Variants in ASTN2 observed in about 807,000 individuals in gnomAD.
The protein encoded by ASTN2 is astrotactin-2.
In ASTN2, 54 loss-of-function variants were observed where a neutral mutation model predicts 139.8. The ratio of observed to expected loss-of-function variants is 0.39; its 90% CI spans 0.31 to 0.48. The LOEUF (loss-of-function observed/expected upper bound fraction) is 0.48. ASTN2 is among the 20% of genes least tolerant of loss of function. ASTN2 has a pLI of 0.95. For missense variants in ASTN2, 1,565 were observed against 1,725.1 expected, an observed-to-expected ratio of 0.91 and a Z score of 1.64; for synonymous variants, 756 against 719.5, an observed-to-expected ratio of 1.05 and a Z score of -0.81.
At chr9:116,687,784 A>T (rs764134507) in intron 16 of ASTN2, among the ~76,000 whole-genome samples, 44 of 151,924 alleles carry the variant, frequency 2.9e-4, no homozygotes, top group Non-Finnish European at 5.0e-4. Context: ...GGGGGCCCCG[A>T]TGAGATTTGA....
intron 20 of ASTN2, among the ~76,000 whole-genome samples, chr9:116,444,973 A>T (rs575435167): frequency 6.6e-6 from 1 of 152,346 alleles, no homozygotes; most frequent in East Asian, 1.9e-4. Flanking sequence ...GGGAAGTGAG[A>T]ACAGCATCAG....
At chr9:117,102,823 A>G (rs1001856810) in intron 4 of ASTN2, among the ~76,000 whole-genome samples, 2 of 152,102 alleles carry the variant, frequency 1.3e-5, no homozygotes, top group Non-Finnish European at 2.9e-5. Flanking sequence ...TGCCTGGCCA[A>G]TTAATGATTA....
chr9:116,790,951 AAAGAAAAGAAAGAAGGAAAGAAAG>A (rs1830516240), intron 13 of ASTN2, among the ~76,000 whole-genome samples: 2 of 143,686 alleles, frequency 1.4e-5, no homozygotes, highest in African/African-American at 5.2e-5. Context: ...AGAAAGAAAG[AAAGAAAAGAAAGAAGGAAAGAAAG>A]AAAGAAAGAA....
rs149866207 is a variant in ASTN2 at position 117,191,675 on chromosome 9, G to T, written c.1015+22683C>A. 9.1e-3 allele frequency among the ~76,000 whole-genome samples: 1,391 copies of T among 152,282 alleles called. 23 individuals are homozygous for T. Among genetic ancestry groups the T allele is most frequent in the African/African-American group, 0.032 (1,337 of 41,548 alleles). ...TGTCAGTCAGTTCCCCACTGGGTGA[G>T]CTCCAGCCATTTCAAGGGAGCCCAG... On this transcript the variant is annotated intron_variant, in intron 3 of 22. Coordinates refer to ENST00000313400, the MANE Select transcript of ASTN2 (RefSeq NM_001365068.1).
intron 6 of ASTN2, among the ~76,000 whole-genome samples, chr9:117,015,655 G>A (rs1837653524): frequency 6.6e-6 from 1 of 152,130 alleles, no homozygotes; most frequent in Admixed American, 6.5e-5. Context: ...CATAAAGTGT[G>A]TGAATCAGAT....
intron 5 of ASTN2, among the ~76,000 whole-genome samples, chr9:117,044,593 C>T (rs1234439527): frequency 6.6e-6 from 1 of 152,162 alleles, no homozygotes; most frequent in Non-Finnish European, 1.5e-5. Context: ...CCATAATACT[C>T]ACACCCTCCC....
chr9:116,875,354 A>G (rs1278488383), intron 10 of ASTN2, among the ~76,000 whole-genome samples: 1 of 152,228 alleles, frequency 6.6e-6, no homozygotes, highest in African/African-American at 2.4e-5. Flanking sequence ...CCAAACTAGG[A>G]CAAGGTCCTA....
At chr9:116,625,816 T>C (rs1260390947) in intron 17 of ASTN2, among the ~76,000 whole-genome samples, 1 of 152,118 alleles carries the variant, frequency 6.6e-6, no homozygotes, top group African/African-American at 2.4e-5. Context: ...TCTTCCTCCT[T>C]ACTGAACTCT....
chr9:116,904,305 C>T (rs1442474895), intron 10 of ASTN2, among the ~76,000 whole-genome samples: 1 of 152,176 alleles, frequency 6.6e-6, no homozygotes, highest in East Asian at 1.9e-4. Flanking sequence ...TCGTGGCAGA[C>T]AGTCTCAAAG....
intron 5 of ASTN2, among the ~76,000 whole-genome samples, chr9:117,095,188 T>A (rs1346993638): frequency 1.3e-5 from 2 of 152,170 alleles, no homozygotes; most frequent in Non-Finnish European, 2.9e-5. Context: ...TGGCATGGAA[T>A]CCATGTTTGT....
At chr9:116,950,888 A>G (rs1453471491) in intron 10 of ASTN2, among the ~76,000 whole-genome samples, 1 of 152,192 alleles carries the variant, frequency 6.6e-6, no homozygotes, top group Admixed American at 6.5e-5. Flanking sequence ...AATTTTATAC[A>G]ACATATGGAG....
intron 10 of ASTN2, among the ~76,000 whole-genome samples, chr9:116,952,070 T>C (rs1027360640): frequency 6.6e-6 from 1 of 152,258 alleles, no homozygotes; most frequent in Non-Finnish European, 1.5e-5. Context: ...ATCACAATAA[T>C]ATGTAAGCTT....
chr9:116,657,685 A>T (rs1349319121), intron 16 of ASTN2, among the ~76,000 whole-genome samples: 1 of 152,168 alleles, frequency 6.6e-6, no homozygotes, highest in East Asian at 1.9e-4. Flanking sequence ...GATGAAAAAC[A>T]CAAAAATTAG....
chr9:116,646,404 C>T (rs1857591646), intron 17 of ASTN2, among the ~76,000 whole-genome samples: 2 of 151,940 alleles, frequency 1.3e-5, no homozygotes, highest in Non-Finnish European at 2.9e-5. Flanking sequence ...ATCCATGTGG[C>T]CTGTAGAGAT....
intron 13 of ASTN2, among the ~76,000 whole-genome samples, chr9:116,786,004 G>T (rs1830365251): frequency 6.6e-6 from 1 of 152,122 alleles, no homozygotes; most frequent in Non-Finnish European, 1.5e-5. Context: ...TACTTCCCCA[G>T]TTGGTACCCA....
At chr9:116,749,142 T>C (rs1260112747) in intron 13 of ASTN2, among the ~76,000 whole-genome samples, 1 of 152,128 alleles carries the variant, frequency 6.6e-6, no homozygotes, top group Non-Finnish European at 1.5e-5. Flanking sequence ...ACATACTTGC[T>C]GTAAAGATGA....
At chr9:116,924,363 G>A (rs183360777) in intron 10 of ASTN2, among the ~76,000 whole-genome samples, 120 of 147,770 alleles carry the variant, frequency 8.1e-4, no homozygotes, top group Non-Finnish European at 1.2e-4. Flanking sequence ...CCAGGAGGCA[G>A]AGGTTACAGT....
intron 3 of ASTN2, among the ~76,000 whole-genome samples, chr9:117,146,726 C>A (rs1002364215): frequency 6.6e-6 from 1 of 151,886 alleles, no homozygotes; most frequent in African/African-American, 2.4e-5. Context: ...ATGAGTGCAC[C>A]AAAATCCCAC....
chr9:117,056,092 T>A (rs1285307123), intron 5 of ASTN2, among the ~76,000 whole-genome samples: 1 of 152,112 alleles, frequency 6.6e-6, no homozygotes, highest in African/African-American at 2.4e-5. Context: ...TGGGAACAGA[T>A]CCCTCCCCAG....
Sources: allele counts gnomAD v4.1 joint callset (sites outside exome capture counted in the v4.1 genomes callset), GRCh38; gene constraint gnomAD v4.1.1; transcripts MANE v1.5; gene names NCBI Gene and HGNC (gene_info 2026-07-23, HGNC 2026-07-21).